Variants in MTUS2 observed in about 807,000 individuals in gnomAD.
The protein encoded by MTUS2 is microtubule associated scaffold protein 2.
In MTUS2, 40 loss-of-function variants were observed where a neutral mutation model predicts 114.1. The ratio of observed to expected loss-of-function variants is 0.35; its 90% CI spans 0.27 to 0.46. The LOEUF is 0.46. Ranked by LOEUF, MTUS2 falls within the 20% of genes least tolerant of loss-of-function variation. The probability of loss-of-function intolerance (pLI) is 1.00; values close to 1 mark genes in which losing one functional copy is unlikely to be tolerated. For missense variants in MTUS2, 1,679 were observed against 1,705.4 expected, an observed-to-expected ratio of 0.98 and a Z score of 0.27; for synonymous variants, 688 against 672.0, an observed-to-expected ratio of 1.02 and a Z score of -0.37.
At chr13:29,273,537 A>T (rs1162054784) in intron 5 of MTUS2, among the ~76,000 whole-genome samples, 2 of 152,172 alleles carry the variant, frequency 1.3e-5, no homozygotes, top group African/African-American at 4.8e-5. Context: ...AAATCTTTTG[A>T]GATTTTTCTT....
At chr13:28,837,379 C>T (rs1384120801) in intron 1 of MTUS2, among the ~76,000 whole-genome samples, 4 of 152,188 alleles carry the variant, frequency 2.6e-5, no homozygotes, top group Non-Finnish European at 5.9e-5. Context: ...TCAGCTCTTC[C>T]TACCTCTTAC....
At chr13:29,419,386 G>T (rs1235940027) in intron 8 of MTUS2, among the ~76,000 whole-genome samples, 1 of 152,148 alleles carries the variant, frequency 6.6e-6, no homozygotes, top group Non-Finnish European at 1.5e-5. Flanking sequence ...ACTGGAGGTG[G>T]AGAGGTTGAT....
chr13:29,408,764 C>G (rs1874981623), intron 8 of MTUS2, among the ~76,000 whole-genome samples: 1 of 151,906 alleles, frequency 6.6e-6, no homozygotes, highest in Admixed American at 6.6e-5. Flanking sequence ...CAATGCAAAT[C>G]TATGTCATTT....
At chr13:28,994,005 A>G (rs1884975162) in intron 2 of MTUS2, among the ~76,000 whole-genome samples, 1 of 151,898 alleles carries the variant, frequency 6.6e-6, no homozygotes, top group Non-Finnish European at 1.5e-5. Flanking sequence ...GCACCCATTA[A>G]CTCGTCATTT....
intron 8 of MTUS2, among the ~76,000 whole-genome samples, chr13:29,382,571 T>C (rs1872296864): frequency 6.6e-6 from 1 of 152,194 alleles, no homozygotes; most frequent in Admixed American, 6.5e-5. Flanking sequence ...GTTCTTAGAC[T>C]GTACAGTTTG....
At chr13:29,103,626 C>T (rs918107247) in intron 5 of MTUS2, among the ~76,000 whole-genome samples, 1 of 152,064 alleles carries the variant, frequency 6.6e-6, no homozygotes. Context: ...CCAGGGCTAT[C>T]CTGGAGGCCT....
intron 5 of MTUS2, among the ~76,000 whole-genome samples, chr13:29,232,380 G>A (rs906659677): frequency 1.3e-5 from 2 of 151,972 alleles, no homozygotes; most frequent in Non-Finnish European, 2.9e-5. Flanking sequence ...GCTTGTGTCA[G>A]TTTAAAACCT....
In MTUS2 at chr13:29,281,801, C is replaced by T. The variant is rs562337823; in HGVS notation, c.2742C>T (p.Ser914=). 510 of 1,612,256 alleles carry T rather than the reference C, an allele frequency of 3.2e-4. 7 individuals are homozygous for T. In the South Asian group the frequency reaches 5.2e-3, roughly 16 times the overall value. ...KGAGRVAPPA[S]SSVTAPRRSL... ...CCGGCCGGGTGGCCCCTCCAGCATC[C>T]TCCAGTGTGACAGCACCCCGCAGGA... The change falls in exon 6 of 16, where the codon TCC becomes TCT. Residue 914 remains serine, a synonymous_variant. Transcript: ENST00000612955.
intron 8 of MTUS2, among the ~76,000 whole-genome samples, chr13:29,432,050 G>A (rs1046226612): frequency 5.8e-5 from 8 of 136,768 alleles, no homozygotes; most frequent in Non-Finnish European, 1.2e-4. Context: ...CTGGGGTCTC[G>A]CTATATTGCC....
intron 4 of MTUS2, among the ~76,000 whole-genome samples, chr13:29,076,764 G>A (rs772955196): frequency 1.3e-5 from 2 of 152,122 alleles, no homozygotes; most frequent in Non-Finnish European, 2.9e-5. Flanking sequence ...TATTTTACTG[G>A]TCAGCCCTGA....
intron 2 of MTUS2, among the ~76,000 whole-genome samples, chr13:28,872,603 T>C (rs1877688299): frequency 6.6e-6 from 1 of 152,102 alleles, no homozygotes; most frequent in Non-Finnish European, 1.5e-5. Context: ...TGTACAGAGA[T>C]CACATGGCAA....
At chr13:29,389,346 T>TATGTATGTATGTATACAC in intron 8 of MTUS2, among the ~76,000 whole-genome samples, 1 of 21,998 alleles carries the variant, frequency 4.5e-5, no homozygotes, top group Non-Finnish European at 9.7e-5. Flanking sequence ...TGTATGCACG[T>TATGTATGTATGTATACAC]GTGTGTATAT....
At chr13:28,895,249 C>G (rs1369351458) in intron 2 of MTUS2, among the ~76,000 whole-genome samples, 1 of 152,178 alleles carries the variant, frequency 6.6e-6, no homozygotes, top group African/African-American at 2.4e-5. Flanking sequence ...GAGACAGCAT[C>G]CCTCTTGGAA....
At chr13:29,362,054 CT>C (rs552808289) in intron 8 of MTUS2, among the ~76,000 whole-genome samples, 141 of 152,312 alleles carry the variant, frequency 9.3e-4, no homozygotes, top group African/African-American at 2.5e-3. Flanking sequence ...CTCTTTCCCC[CT>C]GGCTGAGTCA....
intron 4 of MTUS2, among the ~76,000 whole-genome samples, chr13:29,096,525 T>A (rs1283539462): frequency 6.6e-6 from 1 of 152,356 alleles, no homozygotes; most frequent in South Asian, 2.1e-4. Flanking sequence ...TAAACTACCT[T>A]GTCTATGGTT....
intron 1 of MTUS2, among the ~76,000 whole-genome samples, chr13:28,823,128 A>T (rs1396608064): frequency 1.3e-5 from 2 of 152,268 alleles, no homozygotes; most frequent in Non-Finnish European, 2.9e-5. Flanking sequence ...AAACTATTGA[A>T]AGATGCTTCA....
rs759526720 is a variant in MTUS2 at position 29,428,925 on chromosome 13, C to T, written c.3118-11058C>T. 15 of 1,608,528 alleles carry T rather than the reference C, an allele frequency of 9.3e-6. No individual in the cohort carries two copies. The African/African-American group carries it at 1.5e-4, about 16-fold the overall frequency. ...CTTTGCCTTCCCTCTCTCTTCTTCC[C>T]CCTCCTCCTTTGCAAGGGCAGAGAG... On this transcript the variant is annotated intron_variant, in intron 8 of 15. Transcript: ENST00000612955.
chr13:29,492,021 G>GGTGTGTGT (rs144917103), intron 11 of MTUS2, among the ~76,000 whole-genome samples: 1 of 138,058 alleles, frequency 7.2e-6, no homozygotes, highest in South Asian at 2.3e-4. Context: ...GTGTGTGGTA[G>GGTGTGTGT]GTGTGTGTGT....
chr13:29,389,173 A>G (rs1872840388), intron 8 of MTUS2, among the ~76,000 whole-genome samples: 1 of 146,650 alleles, frequency 6.8e-6, no homozygotes, highest in Non-Finnish European at 1.5e-5. Flanking sequence ...TGTTTTGACT[A>G]TATATATATC....
Sources: allele counts gnomAD v4.1 joint callset (sites outside exome capture counted in the v4.1 genomes callset), GRCh38; gene constraint gnomAD v4.1.1; transcripts MANE v1.5; gene names NCBI Gene and HGNC (gene_info 2026-07-23, HGNC 2026-07-21).